The following P4HA1 variants were observed in gnomAD, a reference collection of about 807,000 sequenced individuals.
P4HA1 encodes prolyl 4-hydroxylase subunit alpha 1.
A neutral mutation model predicts 72.8 loss-of-function variants in P4HA1; 24 were observed. The observed-to-expected ratio is 0.33, with a 90% CI of 0.24 to 0.46. The LOEUF (loss-of-function observed/expected upper bound fraction) is 0.46, where lower values mean the gene tolerates loss of function less well. Ranked by LOEUF, P4HA1 falls within the 20% of genes least tolerant of loss-of-function variation. P4HA1 has a pLI of 1.00. For missense variants in P4HA1, 446 were observed against 640.6 expected (o/e 0.70, Z 3.28); for synonymous variants, 201 against 218.8 (o/e 0.92, Z 0.72).
At chr10:73,064,891 A>G (rs1841385489) in intron 5 of P4HA1, among the ~76,000 whole-genome samples, 1 of 151,460 alleles carries the variant, frequency 6.6e-6, no homozygotes, top group Non-Finnish European at 1.5e-5. Flanking sequence ...ACTGAGAGAG[A>G]CATCATCCGT....
chr10:73,024,554 G>A (rs1840219784), intron 10 of P4HA1, among the ~76,000 whole-genome samples: 1 of 152,042 alleles, frequency 6.6e-6, no homozygotes, highest in Non-Finnish European at 1.5e-5. Flanking sequence ...ACCTAAAATC[G>A]ACACCCTAAC....
chr10:73,045,664 C>T (rs1387004347), intron 8 of P4HA1, among the ~76,000 whole-genome samples: 4 of 151,796 alleles, frequency 2.6e-5, no homozygotes, highest in African/African-American at 9.7e-5. Flanking sequence ...ATAATAATTT[C>T]AATTTTTTTT....
At chr10:73,060,367 C>T (rs975866918) in intron 5 of P4HA1, among the ~76,000 whole-genome samples, 2 of 152,190 alleles carry the variant, frequency 1.3e-5, no homozygotes, top group African/African-American at 2.4e-5. Flanking sequence ...ATAATCACCC[C>T]TAGAACCTAG....
At chr10:73,062,382 AT>A (rs1272443543) in intron 5 of P4HA1, among the ~76,000 whole-genome samples, 1 of 152,128 alleles carries the variant, frequency 6.6e-6, no homozygotes, top group African/African-American at 2.4e-5. Flanking sequence ...TAAAAAAAAA[AT>A]GACAGGTATG....
intron 1 of P4HA1, among the ~76,000 whole-genome samples, chr10:73,086,788 C>T (rs1841931487): frequency 6.6e-6 from 1 of 151,742 alleles, no homozygotes; most frequent in South Asian, 2.1e-4. Context: ...CAAAAATTAG[C>T]CAGGCGTGGT....
chr10:73,059,103 T>A (rs554614070), intron 5 of P4HA1, among the ~76,000 whole-genome samples: 3 of 151,826 alleles, frequency 2.0e-5, no homozygotes, highest in Non-Finnish European at 2.9e-5. Flanking sequence ...GTGTTTATGT[T>A]GAGAGAATAT....
intron 8 of P4HA1, 79 bp from the exon 9 acceptor site, chr10:73,045,130 G>A (rs1346249963): frequency 8.3e-6 from 10 of 1,202,748 alleles, no homozygotes; most frequent in Non-Finnish European, 9.7e-6. Flanking sequence ...CAGAATTCCA[G>A]GGTTTTTACA....
At chr10:73,013,120 A>T (rs1250114385) in intron 12 of P4HA1, among the ~76,000 whole-genome samples, 1 of 152,156 alleles carries the variant, frequency 6.6e-6, no homozygotes, top group African/African-American at 2.4e-5. Context: ...TAAGTTAACA[A>T]AGGTTATGAC....
chr10:73,011,645 AG>A (rs1839911904), intron 12 of P4HA1, among the ~76,000 whole-genome samples: 1 of 152,206 alleles, frequency 6.6e-6, no homozygotes, highest in Admixed American at 6.5e-5. Flanking sequence ...AATTAACCAA[AG>A]AATCACAAAA....
In P4HA1 at chr10:73,007,664, T is replaced by C. The variant is rs1839822791; in HGVS notation, c.*558A>G. On this transcript the variant is annotated 3_prime_UTR_variant, in exon 15 of 15. Transcript: ENST00000394890. ...GCTAAAAGAAAAGAGAGGGGGTTGG[T>C]AAAATACAGTATACTTTCTTTAAAA... 2 of 151,918 alleles carry C rather than the reference T, an allele frequency of 1.3e-5. No individual in the cohort carries two copies. 9.4% of individuals were successfully genotyped at this position (151,918 alleles called of 1,614,324 possible). A position where few individuals can be genotyped will look rare whatever the true frequency, so the allele number is the denominator to read the frequency against.
intron 10 of P4HA1, among the ~76,000 whole-genome samples, chr10:73,021,877 C>G (rs570630183): frequency 1.3e-5 from 2 of 152,372 alleles, no homozygotes; most frequent in African/African-American, 4.8e-5. Flanking sequence ...CCCATGGAGC[C>G]TTGCTCACTG....
chr10:73,014,172 G>C (rs1027259434), intron 12 of P4HA1, 52 bp downstream of exon 12: 9 of 1,179,098 alleles, frequency 7.6e-6, no homozygotes, highest in Non-Finnish European at 1.1e-5. Flanking sequence ...ACATTAAAAT[G>C]AATCTTGTCA....
intron 1 of P4HA1, among the ~76,000 whole-genome samples, chr10:73,075,538 A>G (rs1841678136): frequency 6.6e-6 from 1 of 152,144 alleles, no homozygotes; most frequent in African/African-American, 2.4e-5. Context: ...TAGCCTGAAA[A>G]ATAAGTTTTC....
At chr10:73,079,839 A>G (rs1173940664) in intron 1 of P4HA1, among the ~76,000 whole-genome samples, 1 of 152,212 alleles carries the variant, frequency 6.6e-6, no homozygotes, top group Non-Finnish European at 1.5e-5. Flanking sequence ...CCAAAGTAGC[A>G]CACTTTCCCA....
rs1841010421 is a variant in P4HA1, at chr10:73,051,137, T to C, written c.816A>G (p.Thr272=). 1 of 1,613,878 alleles carries C rather than the reference T, an allele frequency of 6.2e-7. No individual in the cohort carries two copies. The highest frequency in any genetic ancestry group is 8.5e-7 in the Non-Finnish European group (1 of 1,179,792). The change falls in exon 7 of 15, where the codon ACA becomes ACG. Residue 272 remains threonine, a synonymous_variant. Coordinates refer to ENST00000394890, the MANE Select transcript of P4HA1 (RefSeq NM_001017962.3). The part of the protein sequence containing the change: ...ASDDQSDQKT[T]PKKKGVAVDY... The stretch of plus-strand genomic sequence containing the variant: ...CCACAGCAACCCCTTTTTTCTTTGG[T>C]GTAGTTTTCTGATCAGATTGGTCAT...
intron 10 of P4HA1, among the ~76,000 whole-genome samples, chr10:73,029,312 G>A (rs1421783729): frequency 1.3e-5 from 2 of 151,806 alleles, no homozygotes; most frequent in East Asian, 1.9e-4. Context: ...TTGGGAGGCT[G>A]AGGCAGGAGA....
intron 4 of P4HA1, 152 bp from the exon 5 acceptor site, chr10:73,069,135 T>C (rs2133126421): frequency 1.7e-6 from 1 of 599,824 alleles, no homozygotes; most frequent in African/African-American, 1.9e-5. Flanking sequence ...TTAAATACAC[T>C]GAATAAGACT....
chr10:73,073,792 G>T lies in P4HA1; in HGVS notation c.112C>A (p.Leu38Met). ...MTDLIHTEKD[L>M]VTSLKDYIKA... is the part of the protein sequence containing the mutation. ...ATATAATCTTTCAGAGAAGTCACCA[G>T]ATCTTTCTCAGTATGGATCAAATCA... Residue 38 changes from leucine (L) to methionine (M), a missense_variant, in exon 3 of 15, where the codon CTG becomes ATG. Physicochemically the swap from Leu to Met is conservative, Grantham distance 15. Coordinates refer to ENST00000394890, the MANE Select transcript of P4HA1 (RefSeq NM_001017962.3). 2 of 1,589,594 alleles carry T rather than the reference G, an allele frequency of 1.3e-6. No homozygotes were observed. The highest frequency in any genetic ancestry group is 4.5e-5 in the East Asian group (2 of 44,720).
rs1368742049 is a variant in P4HA1 at position 73,093,010 on chromosome 10, A to T, written c.-33+3756T>A. Among the ~76,000 whole-genome samples the T allele has an allele frequency of 2.0e-5, 3 of 151,844 alleles. No individual in the cohort carries two copies. The East Asian group carries it at 5.8e-4, about 30-fold the overall frequency. The stretch of plus-strand genomic sequence containing the variant: ...GGCATGCATCTGTACCCCGAGCTAC[A>T]CCCGGAGGCTGAGGCAGAAGGATTG... On this transcript the variant is annotated intron_variant, in intron 1 of 14. Transcript: ENST00000394890.
Sources: allele counts gnomAD v4.1 joint callset (sites outside exome capture counted in the v4.1 genomes callset), GRCh38; gene constraint gnomAD v4.1.1; transcripts MANE v1.5; gene names NCBI Gene and HGNC (gene_info 2026-07-23, HGNC 2026-07-21).